The following MTUS2 variants were observed in gnomAD, a reference collection of about 807,000 sequenced individuals.
MTUS2 encodes the protein microtubule associated scaffold protein 2.
A neutral mutation model predicts 114.1 loss-of-function variants in MTUS2; 40 were observed. The observed-to-expected ratio is 0.35, with a 90% CI of 0.27 to 0.46. MTUS2 has a LOEUF of 0.46. MTUS2 is among the 20% of genes least tolerant of loss of function. The pLI is 1.00. For synonymous variants in MTUS2, 688 were observed against 672.0 expected (o/e 1.02, Z -0.37); for missense variants, 1,679 against 1,705.4 (o/e 0.98, Z 0.27).
chr13:29,376,988 A>G (rs966361026), intron 8 of MTUS2, among the ~76,000 whole-genome samples: 5 of 152,234 alleles, frequency 3.3e-5, no homozygotes, highest in Non-Finnish European at 7.3e-5. Flanking sequence ...TCATAGAAGA[A>G]GAAGTATGAT....
chr13:29,009,488 T>C (rs1885745489), intron 2 of MTUS2, among the ~76,000 whole-genome samples: 2 of 152,128 alleles, frequency 1.3e-5, no homozygotes, highest in Non-Finnish European at 2.9e-5. Flanking sequence ...TGCTTGTTGT[T>C]TGGTTATATT....
chr13:29,408,053 A>T (rs1446049367), intron 8 of MTUS2, among the ~76,000 whole-genome samples: 1 of 152,200 alleles, frequency 6.6e-6, no homozygotes, highest in East Asian at 1.9e-4. Context: ...AATTAGAAAT[A>T]GTTTCTACAT....
chr13:28,877,500 ATTAT>A (rs1445808891), intron 2 of MTUS2, among the ~76,000 whole-genome samples: 1 of 152,202 alleles, frequency 6.6e-6, no homozygotes, highest in Non-Finnish European at 1.5e-5. Context: ...AATCTGATTC[ATTAT>A]TTATAACTTG....
At chr13:28,936,097 T>C (rs137915773) in intron 2 of MTUS2, among the ~76,000 whole-genome samples, 3 of 152,200 alleles carry the variant, frequency 2.0e-5, no homozygotes, top group African/African-American at 7.2e-5. Context: ...AAAGAGGTAC[T>C]CTGAATTGAA....
intron 9 of MTUS2, among the ~76,000 whole-genome samples, chr13:29,448,747 A>C (rs933316146): frequency 5.4e-5 from 7 of 129,074 alleles, no homozygotes; most frequent in Non-Finnish European, 1.1e-4. Flanking sequence ...TGAAAAACAG[A>C]GTGCTCTTTT....
At chr13:28,918,022 C>T (rs1880843255) in intron 2 of MTUS2, among the ~76,000 whole-genome samples, 1 of 151,662 alleles carries the variant, frequency 6.6e-6, no homozygotes, top group South Asian at 2.1e-4. Flanking sequence ...TTATAGTCTC[C>T]AAAAGTCTTC....
chr13:29,025,273 C>A lies in MTUS2; in HGVS notation c.575C>A (p.Pro192Gln). Residue 192 changes from proline to glutamine, a missense_variant, in exon 3 of 16, where the codon CCG becomes CAG. By Grantham distance (76) the Pro-to-Gln change is moderately conservative (BLOSUM62 -1). Coordinates refer to ENST00000612955, the MANE Select transcript of MTUS2 (RefSeq NM_001033602.4). ...GTAGCTGCAGTCGGGAGCCTGACTC[C>A]GCAGCATCCACAGCCTCTATCCCTC... Reference protein sequence around the residue: ...SSVAAVGSLTPQHPQPLSLDS... With the variant: ...SSVAAVGSLTQQHPQPLSLDS... 6.2e-7 allele frequency: 1 copy of A among 1,613,906 alleles called. No homozygotes were observed.
chr13:28,996,521 C>T (rs1461911496), intron 2 of MTUS2, among the ~76,000 whole-genome samples: 1 of 152,268 alleles, frequency 6.6e-6, no homozygotes, highest in East Asian at 1.9e-4. Context: ...GTGAATCCAT[C>T]TGGTCCTGGA....
At chr13:29,019,606 G>T (rs1395405257) in intron 2 of MTUS2, among the ~76,000 whole-genome samples, 1 of 152,176 alleles carries the variant, frequency 6.6e-6, no homozygotes, top group Non-Finnish European at 1.5e-5. Context: ...CTCGGATTGG[G>T]TCAGTGGAGT....
chr13:28,853,159 G>C (rs1593247118), intron 2 of MTUS2, among the ~76,000 whole-genome samples: 1 of 152,208 alleles, frequency 6.6e-6, no homozygotes, highest in Admixed American at 6.5e-5. Context: ...AAGTGGGAAA[G>C]GGAGGGGACA....
Position 28,914,465 on chromosome 13 carries a change from A to G in MTUS2, c.-243+74615A>G, listed in dbSNP as rs543352198. On this transcript the variant is annotated intron_variant, in intron 2 of 15. Coordinates refer to ENST00000612955, the MANE Select transcript of MTUS2 (RefSeq NM_001033602.4). ...TTGTGCTGTGGTCTGAGAAACTGTT[A>G]TGATTTCACTTCTTTTCCATTTTCT... Among the ~76,000 whole-genome samples the G allele has an allele frequency of 2.0e-3, 301 of 151,908 alleles. 1 individual carries two copies. Among genetic ancestry groups the G allele is most frequent in the African/African-American group, 7.0e-3 (291 of 41,520 alleles).
intron 2 of MTUS2, among the ~76,000 whole-genome samples, chr13:29,023,468 CACAT>C (rs1170478406): frequency 6.6e-6 from 1 of 152,178 alleles, no homozygotes; most frequent in Non-Finnish European, 1.5e-5. Context: ...TATGCACACA[CACAT>C]ACATACACGT....
intron 4 of MTUS2, among the ~76,000 whole-genome samples, chr13:29,042,001 T>C (rs1355543153): frequency 2.0e-5 from 3 of 152,168 alleles, no homozygotes; most frequent in Admixed American, 6.5e-5. Context: ...TCCAGTACTA[T>C]GTTGAAGAGA....
chr13:29,297,476 C>G (rs1051940299), intron 6 of MTUS2, among the ~76,000 whole-genome samples: 1 of 152,160 alleles, frequency 6.6e-6, no homozygotes, highest in African/African-American at 2.4e-5. Flanking sequence ...CATACAACTT[C>G]TTTGTAGCAG....
chr13:29,126,681 T>G (rs1217199004), intron 5 of MTUS2, among the ~76,000 whole-genome samples: 6 of 152,138 alleles, frequency 3.9e-5, no homozygotes, highest in Non-Finnish European at 5.9e-5. Context: ...ATATTTTATG[T>G]GTGGCCCAAG....
chr13:29,351,505 C>T (rs1184587946), intron 7 of MTUS2, among the ~76,000 whole-genome samples: 1 of 152,202 alleles, frequency 6.6e-6, no homozygotes, highest in Non-Finnish European at 1.5e-5. Context: ...TTATGTTCCC[C>T]ATCCCGGTTC....
intron 2 of MTUS2, among the ~76,000 whole-genome samples, chr13:28,944,967 A>AC (rs1198356734): frequency 6.6e-6 from 1 of 151,736 alleles, no homozygotes; most frequent in Non-Finnish European, 1.5e-5. Flanking sequence ...CTTATTCCTC[A>AC]CCCCCTCCCA....
intron 5 of MTUS2, among the ~76,000 whole-genome samples, chr13:29,143,382 G>T (rs151305471): frequency 3.1e-4 from 47 of 152,270 alleles, no homozygotes; most frequent in African/African-American, 1.0e-3. Flanking sequence ...TATATGTTCA[G>T]TGCTTAATAC....
intron 8 of MTUS2, among the ~76,000 whole-genome samples, chr13:29,360,417 G>T (rs1870124717): frequency 6.6e-6 from 1 of 152,140 alleles, no homozygotes; most frequent in South Asian, 2.1e-4. Context: ...CTCTACTCCA[G>T]TATAGAAGCC....
Sources: allele counts gnomAD v4.1 joint callset (sites outside exome capture counted in the v4.1 genomes callset), GRCh38; gene constraint gnomAD v4.1.1; transcripts MANE v1.5; gene names NCBI Gene and HGNC (gene_info 2026-07-23, HGNC 2026-07-21).